The following AFG2A variants were observed in gnomAD, a reference collection of about 807,000 sequenced individuals.
The protein encoded by AFG2A is ATPase family gene 2 protein homolog A.
chr4:123,127,253 T>C, the AFG2A span, among the ~76,000 whole-genome samples: 2 of 152,176 alleles, frequency 1.3e-5, no homozygotes, highest in Non-Finnish European at 2.9e-5. Flanking sequence ...TAAATCTCTT[T>C]AGTTTTCACA....
the AFG2A span, among the ~76,000 whole-genome samples, chr4:123,299,426 G>T: frequency 6.6e-6 from 1 of 152,098 alleles, no homozygotes; most frequent in Non-Finnish European, 1.5e-5. Context: ...AAATGAAAAA[G>T]TACAGCCTAA....
chr4:122,961,282 G>T, the AFG2A span, among the ~76,000 whole-genome samples: 1 of 152,070 alleles, frequency 6.6e-6, no homozygotes, highest in South Asian at 2.1e-4. Flanking sequence ...TGTATTTTAC[G>T]TATATTTATG....
At chr4:123,129,587 A>C in the AFG2A span, among the ~76,000 whole-genome samples, 2 of 152,186 alleles carry the variant, frequency 1.3e-5, no homozygotes, top group Non-Finnish European at 2.9e-5. Flanking sequence ...TCTTTGAAAC[A>C]TTCCTCTTTG....
the AFG2A span, among the ~76,000 whole-genome samples, chr4:123,306,875 C>T: frequency 6.6e-5 from 10 of 152,184 alleles, no homozygotes; most frequent in African/African-American, 2.4e-4. Flanking sequence ...CAAAAGCAAT[C>T]TTGCTGGTAG....
chr4:123,207,002 G>A, the AFG2A span, among the ~76,000 whole-genome samples: 1 of 152,216 alleles, frequency 6.6e-6, no homozygotes, highest in East Asian at 1.9e-4. Context: ...TCACAAGAAT[G>A]TCTACTTCAG....
At chr4:122,939,477 AGACTCCT>A in the AFG2A span, among the ~76,000 whole-genome samples, 5 of 152,160 alleles carry the variant, frequency 3.3e-5, no homozygotes, top group African/African-American at 1.2e-4. Flanking sequence ...AAATTTTCTA[AGACTCCT>A]GACATCCATT....
At chr4:123,152,100 G>A in the AFG2A span, among the ~76,000 whole-genome samples, 3 of 151,834 alleles carry the variant, frequency 2.0e-5, no homozygotes, top group African/African-American at 7.3e-5. Context: ...ACACAGGGAG[G>A]GGAACATAAC....
chr4:123,112,463 A>G, the AFG2A span, among the ~76,000 whole-genome samples: 2 of 152,168 alleles, frequency 1.3e-5, no homozygotes, highest in Non-Finnish European at 2.9e-5. Context: ...TGCTACCAAA[A>G]TGGTTCTTGA....
At chr4:123,124,338 G>A in the AFG2A span, among the ~76,000 whole-genome samples, 2 of 152,124 alleles carry the variant, frequency 1.3e-5, no homozygotes, top group African/African-American at 4.8e-5. Context: ...GTCCTTTGTA[G>A]GGACATGGAT....
At chr4:123,203,795 C>A in the AFG2A span, among the ~76,000 whole-genome samples, 1 of 152,156 alleles carries the variant, frequency 6.6e-6, no homozygotes, top group African/African-American at 2.4e-5. Context: ...TATTAGTTTC[C>A]TGTTGCTGCT....
At chr4:123,311,410 A>G in the AFG2A span, among the ~76,000 whole-genome samples, 228 of 152,132 alleles carry the variant, frequency 1.5e-3, no homozygotes, top group African/African-American at 5.2e-3. Flanking sequence ...GGCGGATCAC[A>G]AGGTCAGGAG....
At chr4:123,124,107 A>G in the AFG2A span, among the ~76,000 whole-genome samples, 4 of 152,096 alleles carry the variant, frequency 2.6e-5, no homozygotes, top group Non-Finnish European at 5.9e-5. Context: ...AGAACTAGAA[A>G]TGCCATTTGA....
chr4:123,268,468 C>A, the AFG2A span, among the ~76,000 whole-genome samples: 1 of 152,170 alleles, frequency 6.6e-6, no homozygotes, highest in South Asian at 2.1e-4. Context: ...ATCAAGACTT[C>A]TTTCCAAGAT....
the AFG2A span, among the ~76,000 whole-genome samples, chr4:122,960,950 T>A: frequency 6.6e-6 from 1 of 152,250 alleles, no homozygotes; most frequent in Non-Finnish European, 1.5e-5. Context: ...ATATTGATAC[T>A]GTAGAAATTT....
At chr4:123,217,652 A>C in the AFG2A span, among the ~76,000 whole-genome samples, 1 of 152,110 alleles carries the variant, frequency 6.6e-6, no homozygotes, top group South Asian at 2.1e-4. Context: ...CCCATACCAG[A>C]TCCTTTCCTT....
At chr4:123,072,501 A>G in the AFG2A span, among the ~76,000 whole-genome samples, 5 of 152,328 alleles carry the variant, frequency 3.3e-5, no homozygotes, top group East Asian at 5.8e-4. Context: ...AATTTTGTTT[A>G]TGGGAATCAG....
At chr4:123,194,307 TA>T in the AFG2A span, among the ~76,000 whole-genome samples, 4 of 152,204 alleles carry the variant, frequency 2.6e-5, no homozygotes, top group Non-Finnish European at 4.4e-5. Context: ...ACTCTGACGA[TA>T]GCTGATGAGC....
At chr4:123,081,848 G>A in the AFG2A span, among the ~76,000 whole-genome samples, 1 of 152,138 alleles carries the variant, frequency 6.6e-6, no homozygotes, top group South Asian at 2.1e-4. Flanking sequence ...TAGTGGGTGT[G>A]TAATGGTATC....
the AFG2A span, among the ~76,000 whole-genome samples, chr4:122,973,953 C>T: frequency 2.6e-5 from 4 of 152,158 alleles, no homozygotes; most frequent in African/African-American, 7.2e-5. Context: ...GTTGGGATTA[C>T]AAGTGTGAGC....
Sources: gnomAD v4.1 joint callset for allele counts (sites outside exome capture counted in the v4.1 genomes callset) on GRCh38, gnomAD v4.1.1 for gene constraint, MANE v1.5 for transcripts, NCBI Gene and HGNC (gene_info 2026-07-23, HGNC 2026-07-21) for gene names.